Variants in CHAT observed in about 807,000 individuals in gnomAD.
CHAT encodes the protein acetyl CoA:choline O-acetyltransferase.
A neutral mutation model predicts 76.9 loss-of-function variants in CHAT; 61 were observed. The ratio of observed to expected loss-of-function variants is 0.79; its 90% CI spans 0.65 to 0.98. The LOEUF is 0.98. Ranked by LOEUF, CHAT falls within the 50% of genes least tolerant of loss-of-function variation. The probability of loss-of-function intolerance (pLI) is 0.00; values close to 1 mark genes in which losing one functional copy is unlikely to be tolerated. For synonymous variants in CHAT, 407 were observed against 397.4 expected (o/e 1.02, Z -0.29); for missense variants, 946 against 986.9 (o/e 0.96, Z 0.56).
upstream of CHAT, chr10:49,612,382 A>G (rs763804962): frequency 6.5e-7 from 1 of 1,539,800 alleles, no homozygotes; most frequent in Non-Finnish European, 8.8e-7. Context: ...CCTTGGGTCA[A>G]GGGGGCTGCT....
At chr10:49,651,392 G>A (rs1590614633) in intron 10 of CHAT, among the ~76,000 whole-genome samples, 1 of 152,136 alleles carries the variant, frequency 6.6e-6, no homozygotes, top group Non-Finnish European at 1.5e-5. Flanking sequence ...TCTCCAGTGG[G>A]GAGGCACATA....
chr10:49,625,707 C>G (rs111865833), intron 6 of CHAT, 54 bp downstream of exon 6: 22 of 1,505,298 alleles, frequency 1.5e-5, no homozygotes, highest in Admixed American at 2.0e-5. Flanking sequence ...AGTGGCCATG[C>G]GTTCACGTCC....
rs1564491923 is a variant in CHAT at position 49,652,010 on chromosome 10, A to G, written c.1634+4A>G. On this transcript the variant is annotated splice_donor_region_variant and intron_variant, in intron 11 of 14. Transcript: ENST00000337653. ...CCCTCCAGCTGGCCTTCTACAGGTGAGTGAAGGTGGAGTGAGTCTGTACCC... is the reference window on the plus strand; with the variant it reads ...CCCTCCAGCTGGCCTTCTACAGGTGGGTGAAGGTGGAGTGAGTCTGTACCC... 6.2e-7 allele frequency: 1 copy of G among 1,614,080 alleles called. No homozygotes were observed. Among genetic ancestry groups the G allele is most frequent in the East Asian group, 2.2e-5 (1 of 44,868 alleles).
chr10:49,611,117 T>A, upstream of CHAT: 4 of 1,614,064 alleles, frequency 2.5e-6, no homozygotes, highest in Non-Finnish European at 3.4e-6. Flanking sequence ...AAGATCGGGG[T>A]GCTGTTTGCT....
At position 49,615,857 on chromosome 10, in the gene CHAT, C is replaced by T. The variant is rs1030342160; in HGVS notation, c.287-645C>T. 4 of 613,990 alleles carry T rather than the reference C, an allele frequency of 6.5e-6. No homozygotes were observed. The African/African-American group carries it at 7.4e-5, about 11-fold the overall frequency. The allele number at this position is 613,990 out of a possible 1,614,324, so 38.0% of individuals were successfully genotyped here. On this transcript the variant is annotated intron_variant, in intron 1 of 14. Coordinates refer to ENST00000337653, the MANE Select transcript of CHAT (RefSeq NM_020549.5). ...ACTCCTATGGCATCTACACTGGCAG[C>T]CTGCAGACCCGAGACTGCCTAGGTC... is the stretch of plus-strand genomic sequence containing the variant.
chr10:49,626,219 G>A (rs1351894696), intron 6 of CHAT, among the ~76,000 whole-genome samples: 1 of 152,138 alleles, frequency 6.6e-6, no homozygotes, highest in East Asian at 1.9e-4. Flanking sequence ...TCTACCCCCT[G>A]CAGCTCAGGT....
chr10:49,634,940 T>A (rs1839247937), intron 7 of CHAT, among the ~76,000 whole-genome samples: 1 of 152,210 alleles, frequency 6.6e-6, no homozygotes, highest in African/African-American at 2.4e-5. Context: ...TACAGAGATC[T>A]CATATGTACC....
rs932739020 is a variant in CHAT at position 49,614,150 on chromosome 10, G to A, written c.-40G>A. On this transcript the variant is annotated 5_prime_UTR_variant, in exon 1 of 15. Transcript: ENST00000337653. ...GAAGCGCTCCGGGTAGATTCTGGGG[G>A]CCGGGAGCTGAGATCCCTGGGCGGG... The A allele has an allele frequency of 8.4e-6, 13 of 1,545,996 alleles. No homozygotes were observed. In the African/African-American group the frequency reaches 1.8e-4, roughly 21 times the overall value.
At chr10:49,659,876 A>G (rs1840140113) in intron 13 of CHAT, among the ~76,000 whole-genome samples, 1 of 152,132 alleles carries the variant, frequency 6.6e-6, no homozygotes, top group South Asian at 2.1e-4. Flanking sequence ...GTAAATAAAT[A>G]AATAAATAAA....
chr10:49,621,272 C>T (rs1411902594), intron 4 of CHAT, among the ~76,000 whole-genome samples: 2 of 152,166 alleles, frequency 1.3e-5, no homozygotes, highest in Non-Finnish European at 2.9e-5. Context: ...CAGGGCCCAC[C>T]TCTCCTCTGG....
intron 7 of CHAT, among the ~76,000 whole-genome samples, chr10:49,635,782 C>T (rs1839274960): frequency 6.6e-6 from 1 of 152,120 alleles, no homozygotes; most frequent in South Asian, 2.1e-4. Context: ...ACTTGCTCGA[C>T]CTGATACGGA....
At chr10:49,662,808 A>G in intron 14 of CHAT, 26 bp downstream of exon 14, 1 of 1,614,168 alleles carries the variant, frequency 6.2e-7, no homozygotes, top group African/African-American at 1.3e-5. Flanking sequence ...GCTATCGCCC[A>G]AGAGTAGTGT....
chr10:49,642,135 G>C (rs1382560275), intron 7 of CHAT, among the ~76,000 whole-genome samples: 2 of 152,294 alleles, frequency 1.3e-5, no homozygotes, highest in African/African-American at 4.8e-5. Context: ...CCTTGAGGAA[G>C]ATTGATTCGC....
At chr10:49,611,491 G>C, upstream of CHAT, 1 of 1,600,170 alleles carries the variant, frequency 6.2e-7, no homozygotes, top group Non-Finnish European at 8.5e-7. Context: ...GCTAGCTGCC[G>C]TGTCGCTCTT....
intron 5 of CHAT, 122 bp downstream of exon 5, chr10:49,622,272 T>G (rs146282968): frequency 9.3e-7 from 1 of 1,074,442 alleles, no homozygotes; most frequent in African/African-American, 1.5e-5. Flanking sequence ...ACAGAGCAGA[T>G]GTCCCTGCCC....
Position 49,616,583 on chromosome 10 carries a change from C to T in CHAT, c.368C>T (p.Thr123Ile), listed in dbSNP as rs1182577009. ...GTCCCCCGTAAGATGGCAGCAAAAA[C>T]TCCCAGCAGTGAGGAGTCTGTGAGT... Reference protein sequence around the residue: ...EKVPRKMAAKTPSSEESGLPK... With the variant: ...EKVPRKMAAKIPSSEESGLPK... Residue 123 changes from threonine to isoleucine, a missense_variant, in exon 2 of 15, where the codon ACT becomes ATT. By Grantham distance (89) the Thr-to-Ile change is moderately conservative (BLOSUM62 -1). Around this residue, in one of 3 missense-constraint regions of CHAT, gnomAD observed 548 missense variants for 516.2 expected, o/e 1.06. Coordinates refer to ENST00000337653, the MANE Select transcript of CHAT (RefSeq NM_020549.5). 1.2e-6 allele frequency: 2 copies of T among 1,611,064 alleles called. No homozygotes were observed. The highest frequency in any genetic ancestry group is 2.7e-5 in the African/African-American group (2 of 74,830).
chr10:49,619,797 G>T lies in CHAT; in HGVS notation c.460G>T (p.Val154Leu). 6.2e-7 allele frequency: 1 copy of T among 1,614,154 alleles called. No homozygotes were observed. The highest frequency in any genetic ancestry group is 8.5e-7 in the Non-Finnish European group (1 of 1,180,030). The part of the protein sequence containing the change: ...ATYLQCMRHL[V>L]SEEQFRKSQA... ...GTACCTGCAGTGCATGCGACACTTGGTGTCTGAGGAGCAGTTCAGGAAGAG... is the reference window on the plus strand; with the variant it reads ...GTACCTGCAGTGCATGCGACACTTGTTGTCTGAGGAGCAGTTCAGGAAGAG... Residue 154 changes from valine to leucine, a missense_variant, in exon 3 of 15, where the codon GTG becomes TTG. Transcript: ENST00000337653.
intron 8 of CHAT, 44 bp downstream of exon 8, chr10:49,646,718 A>G (rs1839681387): frequency 1.9e-6 from 3 of 1,605,196 alleles, no homozygotes. Flanking sequence ...CCATGCCCCC[A>G]GCGAGAGAGT....
Position 49,652,126 on chromosome 10 carries a change from G to T in CHAT, c.1634+120G>T. The T allele has an allele frequency of 2.2e-6, 3 of 1,336,216 alleles. No homozygotes were observed. The South Asian group carries it at 3.7e-5, about 16-fold the overall frequency. 82.8% of individuals were successfully genotyped at this position (1,336,216 alleles called of 1,614,324 possible). A position where few individuals can be genotyped will look rare whatever the true frequency, so the allele number is the denominator to read the frequency against. On this transcript the variant is annotated intron_variant, in intron 11 of 14. Transcript: ENST00000337653. ...CCTTCTGTGGGCCTGGAAGACTGGA[G>T]AGGGACTGAGGCTGCATGAAGGAGG...
Sources: gnomAD v4.1 joint callset for allele counts (sites outside exome capture counted in the v4.1 genomes callset) on GRCh38, gnomAD v4.1.1 for gene constraint, gnomAD v4.1.1 regional missense constraint, MANE v1.5 for transcripts, NCBI Gene and HGNC (gene_info 2026-07-23, HGNC 2026-07-21) for gene names.